The following TBC1D5 variants were observed in gnomAD, a reference collection of about 807,000 sequenced individuals.
The protein encoded by TBC1D5 is TBC1 domain family member 5.
A neutral mutation model predicts 100.3 loss-of-function variants in TBC1D5; 75 were observed. The ratio of observed to expected loss-of-function variants is 0.75; its 90% CI spans 0.62 to 0.91. The LOEUF (loss-of-function observed/expected upper bound fraction) is 0.91. Among genes scored for constraint, TBC1D5 ranks in the 40% least tolerant of loss-of-function variants. The probability of loss-of-function intolerance (pLI) is 0.00; values close to 1 mark genes in which losing one functional copy is unlikely to be tolerated. For synonymous variants in TBC1D5, 323 were observed against 325.6 expected (o/e 0.99, Z 0.09); for missense variants, 910 against 942.4 (o/e 0.97, Z 0.45).
chr3:17,543,181 A>G (rs1327806493), intron 2 of TBC1D5, among the ~76,000 whole-genome samples: 1 of 152,210 alleles, frequency 6.6e-6, no homozygotes, highest in African/African-American at 2.4e-5. Flanking sequence ...GTACTGATAC[A>G]GAAAGACTTG....
chr3:17,215,081 T>C lies in TBC1D5; in HGVS notation c.1589-711A>G, dbSNP rs555461907. ...GTAGGGATTTGTAGATGATTTTGAT[T>C]AGTTTTACTCTGAGAAGGGAAGCTA... On this transcript the variant is annotated intron_variant, in intron 17 of 21. Transcript: ENST00000253692. Among the ~76,000 whole-genome samples the C allele has an allele frequency of 1.3e-5, 2 of 152,106 alleles. 1 individual carries two copies. Among genetic ancestry groups the C allele is most frequent in the South Asian group, 4.1e-4 (2 of 4,820 alleles).
chr3:17,527,686 A>G (rs2096156370), intron 2 of TBC1D5, among the ~76,000 whole-genome samples: 1 of 152,204 alleles, frequency 6.6e-6, no homozygotes, highest in Admixed American at 6.5e-5. Flanking sequence ...TAAGATAAAA[A>G]GCAACCACCA....
At chr3:17,450,064 C>T (rs2094890156) in intron 3 of TBC1D5, among the ~76,000 whole-genome samples, 2 of 152,226 alleles carry the variant, frequency 1.3e-5, no homozygotes, top group African/African-American at 2.4e-5. Flanking sequence ...TGTTCTGGAG[C>T]CTCCGCTGGT....
chr3:17,687,939 A>C (rs996175221), intron 1 of TBC1D5, among the ~76,000 whole-genome samples: 1 of 152,222 alleles, frequency 6.6e-6, no homozygotes, highest in Non-Finnish European at 1.5e-5. Flanking sequence ...AAATAGGCAG[A>C]CTGCAGTAAA....
intron 1 of TBC1D5, among the ~76,000 whole-genome samples, chr3:17,660,309 C>G (rs549372778): frequency 6.6e-6 from 1 of 152,332 alleles, no homozygotes; most frequent in Non-Finnish European, 1.5e-5. Flanking sequence ...AGAGACTCCA[C>G]TGGTTGCAAA....
intron 5 of TBC1D5, among the ~76,000 whole-genome samples, chr3:17,405,430 T>C (rs2093745723): frequency 6.6e-6 from 1 of 151,948 alleles, no homozygotes; most frequent in African/African-American, 2.4e-5. Flanking sequence ...AAGCATTCCT[T>C]TTACAGAAAA....
chr3:17,173,428 T>C (rs962889188), intron 19 of TBC1D5, among the ~76,000 whole-genome samples: 3 of 152,150 alleles, frequency 2.0e-5, no homozygotes, highest in East Asian at 1.9e-4. Flanking sequence ...GCACAACAGA[T>C]TGTACAATCA....
intron 13 of TBC1D5, among the ~76,000 whole-genome samples, chr3:17,368,424 A>G (rs1233178785): frequency 6.6e-6 from 1 of 152,092 alleles, no homozygotes; most frequent in African/African-American, 2.4e-5. Context: ...TGCAAAATTT[A>G]GTGACAAATA....
chr3:17,588,658 G>A (rs1322325508), intron 2 of TBC1D5, among the ~76,000 whole-genome samples: 3 of 151,788 alleles, frequency 2.0e-5, no homozygotes, highest in African/African-American at 7.3e-5. Flanking sequence ...GCACTCCTAG[G>A]GAGAATTTAG....
In TBC1D5 at chr3:17,630,967, C is replaced by T. The variant is rs146558939; in HGVS notation, c.-100-7054G>A. ...GATGAAGCAGGAGAATGGTGTGAACCCGGGAGGCAGACGTTGCAGTGAGCC... is the reference window on the plus strand; with the variant it reads ...GATGAAGCAGGAGAATGGTGTGAACTCGGGAGGCAGACGTTGCAGTGAGCC... On this transcript the variant is annotated intron_variant, in intron 1 of 21. Coordinates refer to ENST00000253692, the Ensembl canonical transcript of TBC1D5. Among the ~76,000 whole-genome samples the T allele has an allele frequency of 4.1e-3, 611 of 149,012 alleles. 4 individuals carry two copies. The highest frequency in any genetic ancestry group is 0.014 in the African/African-American group (586 of 40,416).
At chr3:17,299,223 G>A (rs918694582) in intron 14 of TBC1D5, among the ~76,000 whole-genome samples, 20 of 152,220 alleles carry the variant, frequency 1.3e-4, no homozygotes, top group African/African-American at 4.1e-4. Flanking sequence ...CTTATGTGGT[G>A]TGGATATGCT....
At chr3:17,609,757 T>G (rs2061552500) in intron 2 of TBC1D5, among the ~76,000 whole-genome samples, 1 of 152,178 alleles carries the variant, frequency 6.6e-6, no homozygotes, top group Non-Finnish European at 1.5e-5. Context: ...AGAGACACGT[T>G]GCCAGTTGCC....
intron 3 of TBC1D5, among the ~76,000 whole-genome samples, chr3:17,475,690 A>C (rs934919947): frequency 1.3e-5 from 2 of 152,140 alleles, no homozygotes; most frequent in African/African-American, 2.4e-5. Context: ...AAGCTGAAGA[A>C]ATTATTTGCA....
At chr3:17,243,245 T>C (rs1034301133) in intron 16 of TBC1D5, among the ~76,000 whole-genome samples, 1 of 152,206 alleles carries the variant, frequency 6.6e-6, no homozygotes, top group Admixed American at 6.5e-5. Flanking sequence ...TTTTATGATA[T>C]TTTAGGTACT....
chr3:17,163,930 G>A (rs2066336584), intron 21 of TBC1D5, among the ~76,000 whole-genome samples: 1 of 152,148 alleles, frequency 6.6e-6, no homozygotes, highest in Admixed American at 6.5e-5. Flanking sequence ...GTACCAAAAG[G>A]GCAAGTGATG....
intron 2 of TBC1D5, among the ~76,000 whole-genome samples, chr3:17,569,998 A>G (rs185965881): frequency 3.3e-5 from 5 of 151,988 alleles, no homozygotes; most frequent in Admixed American, 2.0e-4. Context: ...AGGTACATCA[A>G]AAGTGTTTTT....
At chr3:17,629,346 A>C (rs920458855) in intron 1 of TBC1D5, among the ~76,000 whole-genome samples, 1 of 152,240 alleles carries the variant, frequency 6.6e-6, no homozygotes, top group African/African-American at 2.4e-5. Context: ...CAAAAAAGTG[A>C]AATTAAAACA....
At chr3:17,454,940 C>G (rs1165008192) in intron 3 of TBC1D5, among the ~76,000 whole-genome samples, 2 of 151,586 alleles carry the variant, frequency 1.3e-5, no homozygotes, top group African/African-American at 4.8e-5. Flanking sequence ...AGGACAACAA[C>G]AACAACAACA....
chr3:17,420,904 T>A (rs1224484115), intron 4 of TBC1D5, among the ~76,000 whole-genome samples: 1 of 152,144 alleles, frequency 6.6e-6, no homozygotes, highest in African/African-American at 2.4e-5. Context: ...GGCTTTCAGC[T>A]GACTATGTAA....
Sources: gnomAD v4.1 joint callset for allele counts (sites outside exome capture counted in the v4.1 genomes callset) on GRCh38, gnomAD v4.1.1 for gene constraint, MANE v1.5 for transcripts, NCBI Gene and HGNC (gene_info 2026-07-23, HGNC 2026-07-21) for gene names.